ATM: variants seen among roughly 807,000 people sequenced by gnomAD.
ATM encodes the protein serine-protein kinase ATM.
Under a neutral mutation model 387.0 loss-of-function variants are expected in ATM, and 308 were observed. The observed-to-expected ratio is 0.80, with a 90% CI of 0.73 to 0.87. The LOEUF is 0.87. ATM is among the 40% of genes least tolerant of loss of function. ATM has a pLI of 0.00. For synonymous variants in ATM, 1,156 were observed against 1,187.3 expected (o/e 0.97, Z 0.54); for missense variants, 3,312 against 3,560.9 (o/e 0.93, Z 1.78).
intron 4 of ATM, among the ~76,000 whole-genome samples, chr11:108,232,701 G>A (rs192792734): frequency 3.8e-4 from 58 of 151,550 alleles, no homozygotes; most frequent in African/African-American, 1.3e-3. Context: ...CGCCAGGCCC[G>A]GTTAATTTTT....
intron 47 of ATM, 148 bp from the exon 48 acceptor site, chr11:108,327,496 GT>G (rs1488359122): frequency 3.2e-6 from 2 of 628,146 alleles, no homozygotes; most frequent in Non-Finnish European, 5.7e-6. Flanking sequence ...TAAAATAGTT[GT>G]ATGGCAAAAG....
chr11:108,253,872 C>T lies in ATM; in HGVS notation c.1957C>T (p.Leu653Phe), dbSNP rs2135367424. The T allele has an allele frequency of 6.2e-7, 1 of 1,613,918 alleles. No homozygotes were observed. Among genetic ancestry groups the T allele is most frequent in the South Asian group, 1.1e-5 (1 of 91,062 alleles). Residue 653 changes from leucine to phenylalanine, a missense_variant, in exon 13 of 63, where the codon CTT (leucine) becomes TTT (phenylalanine). Leu to Phe is a conservative substitution (Grantham distance 22, BLOSUM62 0). Around this residue, in one of 4 missense-constraint regions of ATM, gnomAD observed 1,791 missense variants for 1,804.5 expected, o/e 0.99. Transcript: ENST00000675843. ...LSFSEVEELF[L>F]QTTFDKMDFL... ...ATTCTCAGAAGTAGAAGAACTATTTCTTCAGACAACTTTTGACAAGATGGA... is the reference window on the plus strand; with the variant it reads ...ATTCTCAGAAGTAGAAGAACTATTTTTTCAGACAACTTTTGACAAGATGGA...
intron 8 of ATM, among the ~76,000 whole-genome samples, chr11:108,248,429 T>C (rs1322533086): frequency 6.6e-6 from 1 of 152,206 alleles, no homozygotes; most frequent in Non-Finnish European, 1.5e-5. Flanking sequence ...TAATACCTGC[T>C]TTCTAAAGTG....
intron 43 of ATM, among the ~76,000 whole-genome samples, chr11:108,318,582 C>T (rs368378168): frequency 2.7e-5 from 4 of 149,776 alleles, no homozygotes; most frequent in South Asian, 2.1e-4. Context: ...CCAAGCTACT[C>T]GGGAGGCTGA....
At chr11:108,299,525 G>T in intron 33 of ATM, 189 bp from the exon 34 acceptor site, 1 of 519,178 alleles carries the variant, frequency 1.9e-6, no homozygotes, top group Admixed American at 2.9e-5. Context: ...TCGAACTCCT[G>T]ACCTCAGGTG....
intron 48 of ATM, among the ~76,000 whole-genome samples, chr11:108,328,649 A>C (rs2085934883): frequency 6.6e-6 from 1 of 152,228 alleles, no homozygotes; most frequent in African/African-American, 2.4e-5. Context: ...TTGAAAAGTC[A>C]AGAAAATACC....
At position 108,353,827 on chromosome 11, in the gene ATM, C is replaced by T. The variant is rs1057523011; in HGVS notation, c.8733C>T (p.Thr2911=). 6.2e-7 allele frequency: 1 copy of T among 1,614,010 alleles called. No individual in the cohort carries two copies. The highest frequency in any genetic ancestry group is 8.5e-7 in the Non-Finnish European group (1 of 1,179,988). The change falls in exon 60 of 63, where the codon ACC becomes ACT. Residue 2911 remains threonine, a synonymous_variant. Coordinates refer to ENST00000675843, the MANE Select transcript of ATM (RefSeq NM_000051.4). ...PTPETVPFRL[T]RDIVDGMGIT... ...CTGAGACAGTTCCTTTTAGACTCAC[C>T]AGAGATATTGTGGATGGCATGGGCA...
chr11:108,262,475 T>C (rs1184929551), intron 16 of ATM, among the ~76,000 whole-genome samples: 1 of 152,206 alleles, frequency 6.6e-6, no homozygotes, highest in African/African-American at 2.4e-5. Flanking sequence ...CAAGAGCTCC[T>C]GAAGGAAGCA....
chr11:108,287,860 T>G (rs1361444090), intron 27 of ATM, 145 bp downstream of exon 27: 8 of 630,166 alleles, frequency 1.3e-5, no homozygotes, highest in South Asian at 3.9e-5. Flanking sequence ...ACCTTTGAAT[T>G]GAGGTAATTA....
chr11:108,356,596 T>TA (rs1047718906), intron 61 of ATM, among the ~76,000 whole-genome samples: 4 of 151,274 alleles, frequency 2.6e-5, no homozygotes, highest in African/African-American at 7.3e-5. Context: ...CAAAGCAGCT[T>TA]AACATATTCT....
At chr11:108,364,721 C>G (rs948410342) in intron 61 of ATM, among the ~76,000 whole-genome samples, 16 of 152,156 alleles carry the variant, frequency 1.1e-4, no homozygotes. Flanking sequence ...TTGAGACAGC[C>G]TGGGCTGAGG....
intron 32 of ATM, chr11:108,295,291 T>A: frequency 2.0e-6 from 1 of 491,656 alleles, no homozygotes; most frequent in Non-Finnish European, 3.6e-6. Flanking sequence ...CCAAATATGA[T>A]CATGTTTTTC....
intron 18 of ATM, 68 bp downstream of exon 18, chr11:108,268,677 A>G (rs1189977940): frequency 6.7e-7 from 1 of 1,482,172 alleles, no homozygotes; most frequent in Non-Finnish European, 9.4e-7. Context: ...TAATGAGTTG[A>G]CATGTAAGAA....
At chr11:108,291,178 G>A (rs1413032980) in intron 29 of ATM, among the ~76,000 whole-genome samples, 1 of 152,164 alleles carries the variant, frequency 6.6e-6, no homozygotes, top group African/African-American at 2.4e-5. Context: ...AGATCTTGCA[G>A]TGAGTCTAAT....
At chr11:108,249,469 AT>A (rs2080023087) in intron 9 of ATM, among the ~76,000 whole-genome samples, 1 of 152,258 alleles carries the variant, frequency 6.6e-6, no homozygotes, top group Admixed American at 6.5e-5. Context: ...GAAGTTAAAG[AT>A]AATCTTAAGA....
chr11:108,232,966 G>A lies in ATM; in HGVS notation c.332-2704G>A, dbSNP rs58989781. 9.0e-3 allele frequency among the ~76,000 whole-genome samples: 1,375 copies of A among 151,994 alleles called. 20 individuals are homozygous for A. The highest frequency in any genetic ancestry group is 0.031 in the African/African-American group (1,293 of 41,450). ...CAACCTCCGCCTCCCGGGCTCAAGC[G>A]ATTCTCCCGCCTCAGCTTCCCAAGT... On this transcript the variant is annotated intron_variant, in intron 4 of 62. Transcript: ENST00000675843.
At chr11:108,292,876 G>A (rs915481664) in intron 30 of ATM, 83 bp downstream of exon 30, 11 of 1,468,284 alleles carry the variant, frequency 7.5e-6, no homozygotes, top group Non-Finnish European at 1.9e-6. Flanking sequence ...ATGTTTATTT[G>A]GTATAATTGG....
rs758099916 is a variant in ATM at position 108,353,670 on chromosome 11, CAT to C, written c.8672-95_8672-94del. 6.4e-5 allele frequency: 61 copies of C among 957,408 alleles called. No homozygotes were observed. The Middle Eastern group carries it at 1.3e-3, about 20-fold the overall frequency. 59.3% of individuals were successfully genotyped at this position (957,408 alleles called of 1,614,324 possible). A position where few individuals can be genotyped will look rare whatever the true frequency, so the allele number is the denominator to read the frequency against. ...ACTAGTGTTCATAGAACGTAGGTAA[CAT>C]GTGGTTTCTTGCCTTTGTAAAGTTC... On this transcript the variant is annotated intron_variant, in intron 59 of 62. Coordinates refer to ENST00000675843, the MANE Select transcript of ATM (RefSeq NM_000051.4).
At chr11:108,363,116 C>T (rs974321573) in intron 61 of ATM, among the ~76,000 whole-genome samples, 12 of 152,160 alleles carry the variant, frequency 7.9e-5, no homozygotes, top group Non-Finnish European at 5.9e-5. Context: ...GAATAATTTT[C>T]CCAGTGATCT....
Sources: gnomAD v4.1 joint callset for allele counts (sites outside exome capture counted in the v4.1 genomes callset) on GRCh38, gnomAD v4.1.1 for gene constraint, gnomAD v4.1.1 regional missense constraint, MANE v1.5 for transcripts, NCBI Gene and HGNC (gene_info 2026-07-23, HGNC 2026-07-21) for gene names.